Variants in CLIP4 observed in about 807,000 individuals in gnomAD.
CLIP4 encodes the protein CAP-Gly domain containing linker protein family member 4, also known as CAP-Gly domain-containing linker protein 4.
A neutral mutation model predicts 73.1 loss-of-function variants in CLIP4; 47 were observed. That is an observed-to-expected ratio of 0.64 (90% CI 0.51 to 0.82). The LOEUF is 0.82. Ranked by LOEUF, CLIP4 falls within the 40% of genes least tolerant of loss-of-function variation. The pLI, the probability that CLIP4 is intolerant of heterozygous loss-of-function variation, is 0.00. For synonymous variants in CLIP4, 306 were observed against 295.4 expected (o/e 1.04, Z -0.37); for missense variants, 874 against 852.9 (o/e 1.02, Z -0.31).
chr2:29,166,374 T>C (rs1419996696), intron 13 of CLIP4, among the ~76,000 whole-genome samples: 1 of 152,050 alleles, frequency 6.6e-6, no homozygotes, highest in Non-Finnish European at 1.5e-5. Flanking sequence ...TTTGCACATG[T>C]TATTTTTTCT....
chr2:29,135,702 G>T (rs1385798136), intron 6 of CLIP4, 36 bp downstream of exon 6: 1 of 1,411,790 alleles, frequency 7.1e-7, no homozygotes, highest in Non-Finnish European at 9.8e-7. Flanking sequence ...AATATTAAAA[G>T]AATTAAGAAA....
chr2:29,138,083 G>A (rs544201123), intron 6 of CLIP4, among the ~76,000 whole-genome samples: 2 of 152,222 alleles, frequency 1.3e-5, no homozygotes, highest in South Asian at 4.1e-4. Context: ...CTTTGCCTAA[G>A]CCAATGCCTA....
chr2:29,112,977 C>T (rs7589842), upstream of CLIP4, among the ~76,000 whole-genome samples: 3,564 of 152,340 alleles, frequency 0.023, 117 homozygotes, highest in East Asian at 0.091. Flanking sequence ...TGTCTGAATT[C>T]CTGAATGCTG....
chr2:29,151,033 A>G (rs141425343), intron 8 of CLIP4, among the ~76,000 whole-genome samples: 3 of 152,246 alleles, frequency 2.0e-5, no homozygotes, highest in African/African-American at 7.2e-5. Flanking sequence ...TTGGCAGGCA[A>G]TTATGTTTTC....
upstream of CLIP4, among the ~76,000 whole-genome samples, chr2:29,114,598 G>A (rs1038405981): frequency 1.3e-5 from 2 of 152,192 alleles, no homozygotes; most frequent in African/African-American, 4.8e-5. Context: ...AGTGGGAAGG[G>A]GGCTTTTTCC....
At chr2:29,171,749 A>T (rs1163657622) in intron 14 of CLIP4, among the ~76,000 whole-genome samples, 1 of 151,764 alleles carries the variant, frequency 6.6e-6, no homozygotes, top group Non-Finnish European at 1.5e-5. Flanking sequence ...TGATCTCCTG[A>T]CCTTGTGATC....
intron 2 of CLIP4, among the ~76,000 whole-genome samples, chr2:29,131,052 C>T (rs1157922754): frequency 6.6e-6 from 1 of 152,014 alleles, no homozygotes; most frequent in Admixed American, 6.6e-5. Flanking sequence ...ATAATACCTG[C>T]CAGGTAAGGT....
chr2:29,143,515 A>G (rs1665927422), intron 6 of CLIP4, among the ~76,000 whole-genome samples, 194 bp from the exon 7 acceptor site: 1 of 151,774 alleles, frequency 6.6e-6, no homozygotes, highest in Non-Finnish European at 1.5e-5. Context: ...CCTTGAGGGC[A>G]GGGCTTGTGT....
intron 6 of CLIP4, among the ~76,000 whole-genome samples, chr2:29,139,201 T>C (rs916779644): frequency 7.9e-5 from 12 of 152,206 alleles, no homozygotes; most frequent in African/African-American, 1.9e-4. Context: ...TGAAGGTTTT[T>C]TTTTTTTATC....
At chr2:29,169,657 G>A (rs1479643702) in intron 14 of CLIP4, among the ~76,000 whole-genome samples, 1 of 152,038 alleles carries the variant, frequency 6.6e-6, no homozygotes, top group African/African-American at 2.4e-5. Flanking sequence ...TGGGGTACAT[G>A]TGATAATTTG....
At chr2:29,125,863 C>T (rs1664568229) in intron 2 of CLIP4, among the ~76,000 whole-genome samples, 2 of 152,140 alleles carry the variant, frequency 1.3e-5, no homozygotes, top group African/African-American at 4.8e-5. Context: ...CCCCTCACCC[C>T]ACTTTCTTTT....
intron 10 of CLIP4, among the ~76,000 whole-genome samples, chr2:29,156,844 CAT>C (rs1269501192): frequency 1.5e-5 from 2 of 135,582 alleles, no homozygotes; most frequent in Non-Finnish European, 3.1e-5. Flanking sequence ...TGCCTTAAAA[CAT>C]ATTAATATCA....
At chr2:29,164,071 AG>A (rs1365348783) in intron 13 of CLIP4, 117 bp downstream of exon 13, 5 of 887,690 alleles carry the variant, frequency 5.6e-6, no homozygotes, top group Non-Finnish European at 8.4e-6. Flanking sequence ...TCTTCTTTCA[AG>A]GGGTTAACCA....
At chr2:29,131,603 T>G in intron 3 of CLIP4, 1 of 458,148 alleles carries the variant, frequency 2.2e-6, no homozygotes, top group Non-Finnish European at 3.7e-6. Flanking sequence ...CTTCTGACAT[T>G]TGTAGACTCC....
intron 6 of CLIP4, among the ~76,000 whole-genome samples, chr2:29,139,234 T>G (rs1282321224): frequency 1.3e-5 from 2 of 152,006 alleles, no homozygotes; most frequent in Non-Finnish European, 2.9e-5. Flanking sequence ...TGGAATTTAT[T>G]GATTGCTTTT....
chr2:29,173,352 C>T (rs1297663630), intron 14 of CLIP4, among the ~76,000 whole-genome samples: 2 of 152,172 alleles, frequency 1.3e-5, no homozygotes, highest in Non-Finnish European at 2.9e-5. Flanking sequence ...AACGGTGTTT[C>T]GTTTTGTTTC....
At chr2:29,180,622 G>C (rs1277805976) in intron 15 of CLIP4, among the ~76,000 whole-genome samples, 4 of 151,884 alleles carry the variant, frequency 2.6e-5, no homozygotes, top group Non-Finnish European at 4.4e-5. Context: ...AAATTTGTTT[G>C]CATATGAAAA....
intron 5 of CLIP4, 36 bp from the exon 6 acceptor site, chr2:29,135,512 A>C: frequency 6.9e-7 from 1 of 1,453,498 alleles, no homozygotes. Context: ...CTAAGTTTAA[A>C]CTTTTAGTTA....
At chr2:29,159,173 G>A (rs908334630) in intron 11 of CLIP4, among the ~76,000 whole-genome samples, 2 of 152,120 alleles carry the variant, frequency 1.3e-5, no homozygotes, top group Non-Finnish European at 2.9e-5. Flanking sequence ...TGAGGGCCTC[G>A]GACTTACTGG....
Sources: gnomAD v4.1 joint callset for allele counts (sites outside exome capture counted in the v4.1 genomes callset) on GRCh38, gnomAD v4.1.1 for gene constraint, MANE v1.5 for transcripts, NCBI Gene and HGNC (gene_info 2026-07-23, HGNC 2026-07-21) for gene names.